Variants in NPC1 observed in about 807,000 individuals in gnomAD.
The protein encoded by NPC1 is Niemann-Pick C1 protein.
Under a neutral mutation model 140.4 loss-of-function variants are expected in NPC1, and 85 were observed. The observed-to-expected ratio is 0.61, with a 90% CI of 0.51 to 0.72. The LOEUF (loss-of-function observed/expected upper bound fraction) is 0.72. Among genes scored for constraint, NPC1 ranks in the 30% least tolerant of loss-of-function variants. NPC1 has a pLI of 0.00. For synonymous variants in NPC1, 656 were observed against 624.8 expected (o/e 1.05, Z -0.74); for missense variants, 1,504 against 1,623.8 (o/e 0.93, Z 1.27).
At chr18:23,533,293 A>G (rs2058568573) in intron 24 of NPC1, 62 bp downstream of exon 24, 1 of 1,473,226 alleles carries the variant, frequency 6.8e-7, no homozygotes. Flanking sequence ...ATGCCTCAGG[A>G]TAGAATTCCC....
At chr18:23,532,598 C>T (rs1273119513) in intron 24 of NPC1, among the ~76,000 whole-genome samples, 1 of 152,020 alleles carries the variant, frequency 6.6e-6, no homozygotes, top group Non-Finnish European at 1.5e-5. Context: ...ACCACTTCAC[C>T]TGGCTAATTT....
intron 2 of NPC1, 66 bp downstream of exon 2, chr18:23,573,386 G>T: frequency 6.2e-7 from 1 of 1,606,482 alleles, no homozygotes; most frequent in Non-Finnish European, 8.5e-7. Flanking sequence ...TAACATTTAA[G>T]GAATAATTAC....
At chr18:23,568,697 CT>C in intron 4 of NPC1, 125 bp downstream of exon 4, 1 of 775,354 alleles carries the variant, frequency 1.3e-6, no homozygotes, top group Non-Finnish European at 2.2e-6. Flanking sequence ...AGCAACAACT[CT>C]TATTTCCTGG....
At chr18:23,513,023 A>G (rs1377761398) in intron 3 of NPC1, among the ~76,000 whole-genome samples, 2 of 151,774 alleles carry the variant, frequency 1.3e-5, no homozygotes. Flanking sequence ...GCGTGATCTC[A>G]GCTCACTGCA....
intron 14 of NPC1, among the ~76,000 whole-genome samples, chr18:23,542,950 T>C (rs947899906): frequency 1.3e-5 from 2 of 152,188 alleles, no homozygotes; most frequent in Non-Finnish European, 2.9e-5. Context: ...AGGAAGCCAC[T>C]TGCAAAATCA....
rs757589544 is a variant in NPC1, at chr18:23,545,176, TTTAG to T, written c.1758-31_1758-28del. 2.6e-6 allele frequency: 4 copies of T among 1,529,332 alleles called. No individual in the cohort carries two copies. The Admixed American group carries it at 6.7e-5, about 26-fold the overall frequency. The allele number at this position is 1,529,332 out of a possible 1,614,324, so 94.7% of individuals were successfully genotyped here. Reference sequence around the variant, plus strand: ...TAAAAGGTAAGCAAAATGTTATATTTTTAGTTAAACTAACTGACAGCTAAGTAAG... The same window carrying T: ...TAAAAGGTAAGCAAAATGTTATATTTTTAAACTAACTGACAGCTAAGTAAG... On this transcript the variant is annotated intron_variant, in intron 11 of 24. Transcript: ENST00000269228.
intron 3 of NPC1, chr18:23,506,690 A>G (rs1416991641): frequency 3.4e-5 from 11 of 324,364 alleles, no homozygotes; most frequent in African/African-American, 6.7e-5. Context: ...GAGCGGGTCT[A>G]TAGTTATTTA....
At chr18:23,537,815 G>A (rs148189467) in intron 20 of NPC1, among the ~76,000 whole-genome samples, 1 of 152,272 alleles carries the variant, frequency 6.6e-6, no homozygotes, top group Non-Finnish European at 1.5e-5. Flanking sequence ...CTTTTAGGAG[G>A]AGTCATCCCA....
rs140270424 is a variant in NPC1, at chr18:23,560,035, T to C, written c.881+196A>G. Among the ~76,000 whole-genome samples the C allele has an allele frequency of 6.1e-3, 933 of 152,274 alleles. 7 individuals carry two copies. Among genetic ancestry groups the C allele is most frequent in the Non-Finnish European group, 9.3e-3 (630 of 68,016 alleles). ...ATTTTGAATAAATCAGTAAAATTCA[T>C]TTCAGATGTTGCAGTGTTAAACAGA... On this transcript the variant is annotated intron_variant, in intron 6 of 24. Transcript: ENST00000269228.
At chr18:23,543,348 A>AAAAAAAAAAAAAG in intron 14 of NPC1, 107 bp downstream of exon 14, 1 of 345,638 alleles carries the variant, frequency 2.9e-6, no homozygotes, top group African/African-American at 2.4e-5. Context: ...AAAAAAAAAG[A>AAAAAAAAAAAAAG]AAAAAAAAAA....
Position 23,543,558 on chromosome 18 carries a change from AC to A in NPC1, c.2141del (p.Arg714LeufsTer15). 1 of 1,574,840 alleles carries A rather than the reference AC, an allele frequency of 6.3e-7. No individual in the cohort carries two copies. The highest frequency in any genetic ancestry group is 8.7e-7 in the Non-Finnish European group (1 of 1,156,008). On this transcript the variant is annotated frameshift_variant, in exon 14 of 25. Transcript: ENST00000269228. LOFTEE classifies it high-confidence loss of function. ...GCTGATCCAGGGTTTCCCCTTGAAG[AC>A]GTTCATCTCTCTTAAAAAAAAAAAA... The part of the protein sequence containing the change: ...ILVQAYQRDE[R>X]LQGETLDQQL...
intron 3 of NPC1, chr18:23,516,474 AAAT>A: frequency 6.4e-7 from 1 of 1,571,840 alleles, no homozygotes. Flanking sequence ...TCAGTAATAT[AAAT>A]AATAGAAGGA....
chr18:23,512,455 C>T (rs1693850594), intron 3 of NPC1, among the ~76,000 whole-genome samples: 1 of 152,204 alleles, frequency 6.6e-6, no homozygotes. Flanking sequence ...GACAGGATCT[C>T]TGTCACCCAG....
chr18:23,568,689 C>T (rs2059160301), intron 4 of NPC1, 134 bp downstream of exon 4: 1 of 733,836 alleles, frequency 1.4e-6, no homozygotes, highest in South Asian at 1.6e-5. Flanking sequence ...ACAAGCAAAG[C>T]AACAACTCTT....
rs538382534 is a variant in NPC1, at chr18:23,577,692, CGG to C, written c.58-4120_58-4119del. ...CCGTGGAGCAGGGGGTGGCGCTCGT[CGG>C]GGAGGCTCAGGCTGCACAGGAGGCC... On this transcript the variant is annotated intron_variant, in intron 1 of 24. Coordinates refer to ENST00000269228, the MANE Select transcript of NPC1 (RefSeq NM_000271.5). Among the ~76,000 whole-genome samples, 485 of 152,252 alleles carry C rather than the reference CGG, an allele frequency of 3.2e-3. 4 individuals carry two copies. Among genetic ancestry groups the C allele is most frequent in the African/African-American group, 0.011 (466 of 41,556 alleles).
In NPC1 at chr18:23,560,448, T is replaced by C. The variant is rs773603273; in HGVS notation, c.664A>G (p.Asn222Asp). ...GACTCGTCACAGCCTTTGGTGGCATTGTTCATGGGCTCCATCCCATGGACT... is the reference window on the plus strand; with the variant it reads ...GACTCGTCACAGCCTTTGGTGGCATCGTTCATGGGCTCCATCCCATGGACT... The part of the protein sequence containing the change: ...FPVHGMEPMN[N>D]ATKGCDESVD... Residue 222 changes from asparagine to aspartate, a missense_variant, in exon 6 of 25, where the codon AAT becomes GAT. Transcript: ENST00000269228. The C allele has an allele frequency of 6.2e-7, 1 of 1,614,178 alleles. No homozygotes were observed. Among genetic ancestry groups the C allele is most frequent in the Non-Finnish European group, 8.5e-7 (1 of 1,180,030 alleles).
In NPC1 at chr18:23,573,152, A is replaced by G. The variant is rs569915809; in HGVS notation, c.180+300T>C. On this transcript the variant is annotated intron_variant, in intron 2 of 24. Coordinates refer to ENST00000269228, the MANE Select transcript of NPC1 (RefSeq NM_000271.5). ...GAATCAAAACCAGCTAACTTCTAAT[A>G]TATTTTGCAGATGCTGCAAGGGCAA... 2.0e-5 allele frequency among the ~76,000 whole-genome samples: 3 copies of G among 152,306 alleles called. No homozygotes were observed. The South Asian group carries it at 6.2e-4, about 32-fold the overall frequency.
intron 3 of NPC1, chr18:23,509,825 C>G (rs2057804139): frequency 1.3e-5 from 2 of 151,944 alleles, no homozygotes; most frequent in Admixed American, 6.6e-5. Flanking sequence ...TCCCAAAGTG[C>G]TGGGATTACA....
chr18:23,560,785 G>A (rs2059027621), intron 5 of NPC1, among the ~76,000 whole-genome samples: 3 of 152,110 alleles, frequency 2.0e-5, no homozygotes, highest in African/African-American at 7.2e-5. Context: ...CTATAGCAGA[G>A]CTCTAGAAAA....
Sources: gnomAD v4.1 joint callset for allele counts (sites outside exome capture counted in the v4.1 genomes callset) on GRCh38, gnomAD v4.1.1 for gene constraint, MANE v1.5 for transcripts, NCBI Gene and HGNC (gene_info 2026-07-23, HGNC 2026-07-21) for gene names.